TGS1: variants seen among roughly 807,000 people sequenced by gnomAD.
TGS1 encodes the protein trimethylguanosine synthase.
In TGS1, 69 loss-of-function variants were observed where a neutral mutation model predicts 92.2. The ratio of observed to expected loss-of-function variants is 0.75; its 90% CI spans 0.62 to 0.91. The LOEUF (loss-of-function observed/expected upper bound fraction) is 0.91. TGS1 is among the 40% of genes least tolerant of loss of function. TGS1 has a pLI of 0.00. For missense variants in TGS1, 1,062 were observed against 1,001.2 expected (o/e 1.06, Z -0.82); for synonymous variants, 345 against 338.1 (o/e 1.02, Z -0.22).
At chr8:55,779,863 T>C (rs939673241) in intron 1 of TGS1, among the ~76,000 whole-genome samples, 2 of 150,530 alleles carry the variant, frequency 1.3e-5, no homozygotes, top group African/African-American at 4.9e-5. Flanking sequence ...TTCATATGTA[T>C]TCTTTTTTTT....
intron 12 of TGS1, among the ~76,000 whole-genome samples, chr8:55,817,010 G>A (rs775239535): frequency 2.0e-5 from 3 of 151,956 alleles, no homozygotes; most frequent in East Asian, 1.9e-4. Context: ...GACTGCAGGC[G>A]CACACCACCA....
rs1563462106 is a variant in TGS1 at position 55,802,473 on chromosome 8, G to A, written c.1866G>A (p.Lys622=). ...QAETEAEVKK[K]KNKKKNKKVN... is the part of the protein sequence containing the mutation. The stretch of plus-strand genomic sequence containing the variant: ...TTATTTTAGCTGAAGTGAAAAAGAA[G>A]AAGAACAAGAAGAAGAACAAAAAGG... Residue 622 remains lysine, a synonymous_variant, in exon 9 of 13, where the codon AAG becomes AAA. Transcript: ENST00000260129. 1 of 1,613,408 alleles carries A rather than the reference G, an allele frequency of 6.2e-7. No homozygotes were observed. The highest frequency in any genetic ancestry group is 1.7e-5 in the Admixed American group (1 of 59,858).
intron 2 of TGS1, among the ~76,000 whole-genome samples, chr8:55,785,336 G>T (rs1009008291): frequency 7.2e-5 from 11 of 152,124 alleles, no homozygotes; most frequent in Non-Finnish European, 1.6e-4. Flanking sequence ...GATTACAGGT[G>T]TGAGCCACCG....
chr8:55,797,819 C>T (rs1049301916), intron 7 of TGS1, among the ~76,000 whole-genome samples: 2 of 152,152 alleles, frequency 1.3e-5, no homozygotes, highest in Non-Finnish European at 2.9e-5. Context: ...CTCTGTTGTT[C>T]GTTTTTTAAG....
chr8:55,814,631 G>A (rs1412086829), intron 12 of TGS1, among the ~76,000 whole-genome samples: 2 of 144,958 alleles, frequency 1.4e-5, no homozygotes, highest in African/African-American at 2.6e-5. Flanking sequence ...GACCAGCCTG[G>A]CCAACATGGC....
intron 7 of TGS1, among the ~76,000 whole-genome samples, chr8:55,797,793 T>C (rs1812099941): frequency 6.6e-6 from 1 of 152,194 alleles, no homozygotes; most frequent in African/African-American, 2.4e-5. Context: ...AATCTTAGAC[T>C]CCATGATGTC....
intron 10 of TGS1, among the ~76,000 whole-genome samples, chr8:55,806,283 G>C (rs895478207): frequency 2.0e-5 from 3 of 148,078 alleles, no homozygotes; most frequent in African/African-American, 7.5e-5. Context: ...ATGAACCCGG[G>C]AGGTGGAGGT....
intron 8 of TGS1, among the ~76,000 whole-genome samples, chr8:55,801,612 A>G (rs2130187504): frequency 1.0e-5 from 1 of 97,330 alleles, no homozygotes. Flanking sequence ...TTTTTGAGAC[A>G]GAGTCTTGCT....
In TGS1 at chr8:55,798,973, A is replaced by T. The variant is rs1554562021; in HGVS notation, c.1602A>T (p.Ser534=). 21 of 1,613,848 alleles carry T rather than the reference A, an allele frequency of 1.3e-5. No homozygotes were observed. The highest frequency in any genetic ancestry group is 8.5e-6 in the Non-Finnish European group (10 of 1,180,006). The change falls in exon 8 of 13, where the codon TCA becomes TCT. Residue 534 remains serine (S), a synonymous_variant. Coordinates refer to ENST00000260129, the MANE Select transcript of TGS1 (RefSeq NM_024831.8). ...TGGATGAAGAAGCATCACAGGAATC[A>T]TCTTCTCATGACAATGTGCACGACG... The part of the protein sequence containing the change: ...KPMDEEASQE[S]SSHDNVHDAS...
At chr8:55,814,140 G>A (rs779567051) in intron 12 of TGS1, among the ~76,000 whole-genome samples, 8 of 151,874 alleles carry the variant, frequency 5.3e-5, no homozygotes, top group Non-Finnish European at 7.4e-5. Flanking sequence ...TAGAGATGAG[G>A]TCTCACCATG....
chr8:55,791,403 A>G lies in TGS1; in HGVS notation c.1280+1104A>G, dbSNP rs536285406. 7.2e-5 allele frequency among the ~76,000 whole-genome samples: 11 copies of G among 152,328 alleles called. No individual in the cohort carries two copies. In the East Asian group the frequency reaches 1.3e-3, roughly 19 times the overall value. ...TGCCTGACACAGTCTCACAAGCCCA[A>G]TTCGAAACTGCAGAGGCCTAACCAT... On this transcript the variant is annotated intron_variant, in intron 5 of 12. Transcript: ENST00000260129.
chr8:55,821,767 G>A (rs1803643998), intron 12 of TGS1, among the ~76,000 whole-genome samples: 1 of 151,824 alleles, frequency 6.6e-6, no homozygotes, highest in Admixed American at 6.6e-5. Flanking sequence ...CAGCTACTCG[G>A]GAGGCTGAGG....
chr8:55,824,535 ATTATGC>A, intron 12 of TGS1, 40 bp from the exon 13 acceptor site: 1 of 1,607,564 alleles, frequency 6.2e-7, no homozygotes, highest in South Asian at 1.1e-5. Flanking sequence ...GACTTTTGAA[ATTATGC>A]TTAGGTGTGT....
chr8:55,811,741 A>T (rs1407313358), intron 11 of TGS1, among the ~76,000 whole-genome samples: 1 of 152,188 alleles, frequency 6.6e-6, no homozygotes, highest in Non-Finnish European at 1.5e-5. Context: ...AGCCTGGGCA[A>T]CGGAGCGAGA....
At chr8:55,782,933 A>G (rs1366145832) in intron 2 of TGS1, 121 bp downstream of exon 2, 1 of 645,082 alleles carries the variant, frequency 1.6e-6, no homozygotes, top group Non-Finnish European at 2.6e-6. Flanking sequence ...ATGCCAAATA[A>G]TTCTGTAATC....
intron 8 of TGS1, among the ~76,000 whole-genome samples, chr8:55,799,758 G>T (rs536354386): frequency 6.6e-6 from 1 of 152,100 alleles, no homozygotes; most frequent in Admixed American, 6.5e-5. Flanking sequence ...AATTTTTTTT[G>T]TAGAGACACA....
intron 1 of TGS1, among the ~76,000 whole-genome samples, chr8:55,779,306 T>C (rs963857566): frequency 7.9e-4 from 120 of 152,230 alleles, no homozygotes; most frequent in African/African-American, 2.8e-3. Flanking sequence ...CATAAAAATA[T>C]AACAGCTGGT....
In TGS1 at chr8:55,799,075, A is replaced by G. The variant is rs768970374; in HGVS notation, c.1704A>G (p.Pro568=). ...KGDDLLETNN[P]EPEKCQSVSS... The stretch of plus-strand genomic sequence containing the variant: ...ATGACCTACTGGAGACTAATAATCC[A>G]GAACCTGAAAAGTGTCAGAGCGTAT... Residue 568 remains proline (P), a synonymous_variant, in exon 8 of 13, where the codon CCA becomes CCG. Coordinates refer to ENST00000260129, the MANE Select transcript of TGS1 (RefSeq NM_024831.8). The G allele has an allele frequency of 1.2e-6, 2 of 1,614,232 alleles. No homozygotes were observed. Among genetic ancestry groups the G allele is most frequent in the Admixed American group, 1.7e-5 (1 of 60,024 alleles).
At chr8:55,791,475 G>A (rs907266417) in intron 5 of TGS1, among the ~76,000 whole-genome samples, 3 of 152,202 alleles carry the variant, frequency 2.0e-5, no homozygotes, top group Non-Finnish European at 4.4e-5. Flanking sequence ...GGCAGTGGTT[G>A]TGCCACTCCT....
Sources: gnomAD v4.1 joint callset for allele counts (sites outside exome capture counted in the v4.1 genomes callset) on GRCh38, gnomAD v4.1.1 for gene constraint, MANE v1.5 for transcripts, NCBI Gene and HGNC (gene_info 2026-07-23, HGNC 2026-07-21) for gene names.